PTPN1: variants seen among roughly 807,000 people sequenced by gnomAD.
PTPN1 encodes the protein tyrosine-protein phosphatase non-receptor type 1.
Under a neutral mutation model 59.9 loss-of-function variants are expected in PTPN1, and 12 were observed. The ratio of observed to expected loss-of-function variants is 0.20; its 90% CI spans 0.13 to 0.32. The LOEUF (loss-of-function observed/expected upper bound fraction) is 0.32, where lower values mean the gene tolerates loss of function less well. Among genes scored for constraint, PTPN1 ranks in the 10% least tolerant of loss-of-function variants. PTPN1 has a pLI of 1.00. For missense variants in PTPN1, 356 were observed against 549.2 expected (o/e 0.65, Z 3.52); for synonymous variants, 178 against 203.6 (o/e 0.87, Z 1.07).
At chr20:50,533,140 G>T (rs1021997429) in intron 1 of PTPN1, among the ~76,000 whole-genome samples, 1 of 151,560 alleles carries the variant, frequency 6.6e-6, no homozygotes, top group Non-Finnish European at 1.5e-5. Context: ...GTGTTCTAGC[G>T]AATTTCTAAA....
chr20:50,551,328 T>C (rs140791413), intron 1 of PTPN1, among the ~76,000 whole-genome samples: 2 of 152,374 alleles, frequency 1.3e-5, no homozygotes, highest in East Asian at 1.9e-4. Flanking sequence ...GCAGATGCTT[T>C]GTTTAAACTT....
At chr20:50,557,195 T>A (rs987093099) in intron 1 of PTPN1, among the ~76,000 whole-genome samples, 2 of 152,242 alleles carry the variant, frequency 1.3e-5, no homozygotes, top group Non-Finnish European at 2.9e-5. Context: ...TCCATATTTC[T>A]AAGCAAAATG....
At chr20:50,515,351 T>A (rs1447097862) in intron 1 of PTPN1, among the ~76,000 whole-genome samples, 6 of 152,244 alleles carry the variant, frequency 3.9e-5, no homozygotes, top group Admixed American at 3.3e-4. Context: ...GAATGTGTGC[T>A]TCCTTGCACC....
At chr20:50,569,697 C>G (rs1357038747) in intron 4 of PTPN1, among the ~76,000 whole-genome samples, 1 of 151,092 alleles carries the variant, frequency 6.6e-6, no homozygotes, top group East Asian at 1.9e-4. Flanking sequence ...CGTGTATAGA[C>G]TGTCCTGTGT....
At chr20:50,529,560 A>G (rs967560881) in intron 1 of PTPN1, among the ~76,000 whole-genome samples, 1 of 152,234 alleles carries the variant, frequency 6.6e-6, no homozygotes, top group Admixed American at 6.5e-5. Context: ...TTCTGAGCAG[A>G]TGACACTTTT....
chr20:50,541,470 C>T (rs1284348994), intron 1 of PTPN1, among the ~76,000 whole-genome samples: 1 of 152,164 alleles, frequency 6.6e-6, no homozygotes, highest in Non-Finnish European at 1.5e-5. Context: ...TACGGGACAG[C>T]TCTTCTGTCA....
Position 50,555,746 on chromosome 20 carries a change from C to G in PTPN1, c.64-5617C>G, listed in dbSNP as rs1019679963. Among the ~76,000 whole-genome samples, 9 of 149,436 alleles carry G rather than the reference C, an allele frequency of 6.0e-5. No individual in the cohort carries two copies. In the East Asian group the frequency reaches 1.7e-3, roughly 29 times the overall value. On this transcript the variant is annotated intron_variant, in intron 1 of 9. Coordinates refer to ENST00000371621, the MANE Select transcript of PTPN1 (RefSeq NM_002827.4). ...TATTTTTTTTTTTTTATTTCTCTGT[C>G]TCTCAGGCATGCACACACACACACC...
intron 1 of PTPN1, among the ~76,000 whole-genome samples, chr20:50,547,819 A>G (rs1214706460): frequency 6.6e-6 from 1 of 152,230 alleles, no homozygotes; most frequent in Non-Finnish European, 1.5e-5. Flanking sequence ...TCAGGGAATC[A>G]AAACTAGCTA....
At chr20:50,552,303 T>C (rs192091631) in intron 1 of PTPN1, among the ~76,000 whole-genome samples, 18 of 152,332 alleles carry the variant, frequency 1.2e-4, no homozygotes, top group African/African-American at 4.3e-4. Flanking sequence ...GTGTTTTCCA[T>C]ATACCATTCT....
intron 1 of PTPN1, among the ~76,000 whole-genome samples, chr20:50,537,916 CAGAGT>C (rs956141033): frequency 7.9e-5 from 12 of 152,090 alleles, no homozygotes; most frequent in Admixed American, 5.2e-4. Context: ...GTAATTTAAG[CAGAGT>C]AGAGTAAGTA....
At chr20:50,510,632 C>T in intron 1 of PTPN1, 42 bp downstream of exon 1, 1 of 1,542,110 alleles carries the variant, frequency 6.5e-7, no homozygotes, top group East Asian at 2.5e-5. Context: ...TTCGCTTAGG[C>T]CGCTTGAACA....
At chr20:50,563,201 C>T (rs2082761412) in intron 2 of PTPN1, 1 of 151,820 alleles carries the variant, frequency 6.6e-6, no homozygotes, top group East Asian at 1.9e-4. Context: ...GTACTCCTAT[C>T]CTCCTCCCGT....
rs566640576 is a variant in PTPN1 at position 50,549,671 on chromosome 20, C to T, written c.64-11692C>T. On this transcript the variant is annotated intron_variant, in intron 1 of 9. Coordinates refer to ENST00000371621, the MANE Select transcript of PTPN1 (RefSeq NM_002827.4). Reference sequence around the variant, plus strand: ...TTGCTTTTTAGTATGTGTTCTTATTCAGTACATAGTCATTTTAAAATTTAA... The same window carrying T: ...TTGCTTTTTAGTATGTGTTCTTATTTAGTACATAGTCATTTTAAAATTTAA... Among the ~76,000 whole-genome samples the T allele has an allele frequency of 7.9e-5, 12 of 152,234 alleles. No homozygotes were observed. In the East Asian group the frequency reaches 2.3e-3, roughly 29 times the overall value.
At chr20:50,546,835 G>A (rs1361837361) in intron 1 of PTPN1, among the ~76,000 whole-genome samples, 1 of 152,220 alleles carries the variant, frequency 6.6e-6, no homozygotes, top group South Asian at 2.1e-4. Context: ...GAGGAAAGCT[G>A]TGAGCCTTCC....
chr20:50,554,068 C>G (rs1204014677), intron 1 of PTPN1, among the ~76,000 whole-genome samples: 1 of 152,142 alleles, frequency 6.6e-6, no homozygotes, highest in African/African-American at 2.4e-5. Flanking sequence ...CCTACAGATT[C>G]AAGCATTTCA....
intron 1 of PTPN1, among the ~76,000 whole-genome samples, chr20:50,535,470 T>C (rs1441674516): frequency 6.6e-6 from 1 of 152,100 alleles, no homozygotes; most frequent in Non-Finnish European, 1.5e-5. Context: ...TTTTTTGTAG[T>C]ATGGGAAATA....
At chr20:50,578,044 C>T (rs6020610) in intron 5 of PTPN1, 6,721 of 168,276 alleles carry the variant, frequency 0.04, 267 homozygotes, top group African/African-American at 0.1. Context: ...CACTTTTTCA[C>T]GGGAGGCCTT....
chr20:50,561,898 G>C (rs984947856), intron 2 of PTPN1, among the ~76,000 whole-genome samples: 9 of 152,076 alleles, frequency 5.9e-5, no homozygotes, highest in Admixed American at 5.9e-4. Flanking sequence ...GCTCTGTCTG[G>C]AGTCCCCACC....
At chr20:50,564,882 C>T in intron 2 of PTPN1, 87 bp from the exon 3 acceptor site, 1 of 1,571,770 alleles carries the variant, frequency 6.4e-7, no homozygotes, top group Non-Finnish European at 8.6e-7. Context: ...GCCACCAACT[C>T]ACCTTTGCTT....
Sources: allele counts gnomAD v4.1 joint callset (sites outside exome capture counted in the v4.1 genomes callset), GRCh38; gene constraint gnomAD v4.1.1; transcripts MANE v1.5; gene names NCBI Gene and HGNC (gene_info 2026-07-23, HGNC 2026-07-21).